CDH18: variants seen among roughly 807,000 people sequenced by gnomAD.
CDH18 encodes the protein cadherin-18.
A neutral mutation model predicts 67.9 loss-of-function variants in CDH18; 31 were observed. The observed-to-expected ratio is 0.46, with a 90% CI of 0.34 to 0.62. The LOEUF is 0.62. Among genes scored for constraint, CDH18 ranks in the 20% least tolerant of loss-of-function variants. CDH18 has a pLI of 0.01. For missense variants in CDH18, 890 were observed against 975.5 expected, an observed-to-expected ratio of 0.91 and a Z score of 1.17; for synonymous variants, 362 against 347.2, an observed-to-expected ratio of 1.04 and a Z score of -0.48.
At chr5:20,134,479 A>T (rs1749532032) in intron 2 of CDH18, among the ~76,000 whole-genome samples, 1 of 152,068 alleles carries the variant, frequency 6.6e-6, no homozygotes, top group South Asian at 2.1e-4. Context: ...ATTCACTTTC[A>T]GAATTTTAGT....
intron 1 of CDH18, among the ~76,000 whole-genome samples, chr5:20,386,547 C>A (rs1177046640): frequency 6.6e-6 from 1 of 151,998 alleles, no homozygotes; most frequent in Admixed American, 6.6e-5. Context: ...CCACATACGC[C>A]CCTTACATAT....
intron 5 of CDH18, among the ~76,000 whole-genome samples, chr5:19,654,553 T>C (rs1408401697): frequency 6.6e-6 from 1 of 152,092 alleles, no homozygotes; most frequent in Admixed American, 6.6e-5. Flanking sequence ...AAAGTGCTAT[T>C]GGGCTCCGGC....
intron 5 of CDH18, among the ~76,000 whole-genome samples, chr5:19,680,695 G>A (rs947796267): frequency 1.3e-5 from 2 of 151,832 alleles, no homozygotes; most frequent in African/African-American, 2.4e-5. Context: ...TTAGAGAAAT[G>A]CAAATCAAAA....
chr5:20,174,368 A>T (rs2126661420), intron 2 of CDH18, among the ~76,000 whole-genome samples: 1 of 152,286 alleles, frequency 6.6e-6, no homozygotes, highest in African/African-American at 2.4e-5. Context: ...CATAAACTCA[A>T]TTCAGCGTAA....
chr5:20,505,818 A>G (rs1039823355), intron 1 of CDH18, among the ~76,000 whole-genome samples: 34 of 152,194 alleles, frequency 2.2e-4, no homozygotes, highest in Non-Finnish European at 4.3e-4. Flanking sequence ...TCTTTCAATA[A>G]TCAGGTTATC....
At chr5:20,461,065 A>G (rs1485648609) in intron 1 of CDH18, among the ~76,000 whole-genome samples, 1 of 152,170 alleles carries the variant, frequency 6.6e-6, no homozygotes, top group Admixed American at 6.5e-5. Context: ...GGATACAGGT[A>G]TCAATAGGCC....
At chr5:19,630,134 G>T (rs1039838558) in intron 5 of CDH18, among the ~76,000 whole-genome samples, 5 of 151,928 alleles carry the variant, frequency 3.3e-5, no homozygotes, top group African/African-American at 1.2e-4. Context: ...TAGAGACAGG[G>T]TTTCTCCATG....
intron 2 of CDH18, among the ~76,000 whole-genome samples, chr5:20,232,286 A>G (rs1226566214): frequency 6.6e-6 from 1 of 152,048 alleles, no homozygotes; most frequent in Non-Finnish European, 1.5e-5. Context: ...AATGATCTAT[A>G]TGTTTCATTA....
intron 2 of CDH18, among the ~76,000 whole-genome samples, chr5:20,030,255 G>C (rs925628378): frequency 5.9e-5 from 9 of 152,124 alleles, no homozygotes; most frequent in African/African-American, 2.2e-4. Flanking sequence ...AAAGGACTCT[G>C]AACAGGACAT....
At chr5:20,172,229 T>TATATATATAC (rs1262894372) in intron 2 of CDH18, among the ~76,000 whole-genome samples, 2 of 118,012 alleles carry the variant, frequency 1.7e-5, no homozygotes, top group Non-Finnish European at 3.4e-5. Flanking sequence ...TATATGTATA[T>TATATATATAC]ATATATATAT....
rs1018123525 is a variant in CDH18, at chr5:19,495,569, C to T, written c.1630+7423G>A. Among the ~76,000 whole-genome samples the T allele has an allele frequency of 7.3e-5, 11 of 151,678 alleles. No individual in the cohort carries two copies. The East Asian group carries it at 9.7e-4, about 13-fold the overall frequency. The stretch of plus-strand genomic sequence containing the variant: ...CAGCCTGATCAACATGGAGAAACCC[C>T]GTCTCTACTAAAAATACAAAATTAG... On this transcript the variant is annotated intron_variant, in intron 11 of 12. Transcript: ENST00000382275.
chr5:20,317,443 T>G (rs1209145941), intron 1 of CDH18, among the ~76,000 whole-genome samples: 2 of 152,134 alleles, frequency 1.3e-5, no homozygotes, highest in Non-Finnish European at 2.9e-5. Context: ...TGCTCTGGCT[T>G]TTGAAGAGAA....
intron 2 of CDH18, among the ~76,000 whole-genome samples, chr5:20,234,783 C>T (rs1409696173): frequency 6.6e-5 from 10 of 151,940 alleles, no homozygotes; most frequent in African/African-American, 2.2e-4. Flanking sequence ...AATTTGAAAG[C>T]CCAAAGAACA....
chr5:19,761,360 A>C (rs1399568383), intron 3 of CDH18, among the ~76,000 whole-genome samples: 2 of 152,186 alleles, frequency 1.3e-5, no homozygotes, highest in Non-Finnish European at 2.9e-5. Flanking sequence ...TTGGATCTCC[A>C]CATATAGTCA....
At chr5:19,653,291 CT>C (rs1431668518) in intron 5 of CDH18, among the ~76,000 whole-genome samples, 1 of 151,948 alleles carries the variant, frequency 6.6e-6, no homozygotes, top group African/African-American at 2.4e-5. Flanking sequence ...GAGCTTGAGT[CT>C]TTTTTTTCTC....
At position 19,730,691 on chromosome 5, in the gene CDH18, G is replaced by A. The variant is rs573502075; in HGVS notation, c.524-9225C>T. Among the ~76,000 whole-genome samples, 9 of 151,680 alleles carry A rather than the reference G, an allele frequency of 5.9e-5. No individual in the cohort carries two copies. In the South Asian group the frequency reaches 1.9e-3, roughly 32 times the overall value. On this transcript the variant is annotated intron_variant, in intron 4 of 12. Transcript: ENST00000382275. ...CTATGTGGACAATCTGTGGTTGTTT[G>A]GCATCACCACTATTTCTGACTCTGA...
chr5:20,363,269 G>C (rs1742235778), intron 1 of CDH18, among the ~76,000 whole-genome samples: 1 of 151,734 alleles, frequency 6.6e-6, no homozygotes, highest in African/African-American at 2.4e-5. Flanking sequence ...TGAATCCCCT[G>C]AGGTCAGGAG....
At chr5:20,015,519 C>T (rs1432549701) in intron 2 of CDH18, among the ~76,000 whole-genome samples, 1 of 152,046 alleles carries the variant, frequency 6.6e-6, no homozygotes. Context: ...ACACTCATGG[C>T]CAAGAAAAAT....
intron 2 of CDH18, among the ~76,000 whole-genome samples, chr5:19,957,495 T>A (rs1286350994): frequency 6.6e-6 from 1 of 151,864 alleles, no homozygotes; most frequent in Non-Finnish European, 1.5e-5. Context: ...CTTTGAATAA[T>A]CTTTTCTAAG....
Sources: gnomAD v4.1 joint callset for allele counts (sites outside exome capture counted in the v4.1 genomes callset) on GRCh38, gnomAD v4.1.1 for gene constraint, MANE v1.5 for transcripts, NCBI Gene and HGNC (gene_info 2026-07-23, HGNC 2026-07-21) for gene names.